MYH15: variants seen among roughly 807,000 people sequenced by gnomAD.
MYH15 encodes myosin heavy chain 15.
Under a neutral mutation model 240.5 loss-of-function variants are expected in MYH15, and 227 were observed. The ratio of observed to expected loss-of-function variants is 0.94; its 90% CI spans 0.85 to 1.05. The LOEUF is 1.05. MYH15 is among the 50% of genes least tolerant of loss of function. MYH15 has a pLI of 0.00. For missense variants in MYH15, 2,217 were observed against 2,247.5 expected, an observed-to-expected ratio of 0.99 and a Z score of 0.27; for synonymous variants, 785 against 796.7, an observed-to-expected ratio of 0.99 and a Z score of 0.25.
At position 108,383,741 on chromosome 3, in the gene MYH15, A is replaced by AT. The variant is rs1560300920; in HGVS notation, c.5632-13_5632-12insA. ...TTGGCTTGTGTTTCCTATAAAAATA[A>AT]AAAAAAAAAAAAAGAAATCTCCATG... is the stretch of plus-strand genomic sequence containing the variant. On this transcript the variant is annotated splice_polypyrimidine_tract_variant and intron_variant, in intron 39 of 40. Transcript: ENST00000693548. 29 of 1,373,650 alleles carry AT rather than the reference A, an allele frequency of 2.1e-5. No homozygotes were observed. Among genetic ancestry groups the AT allele is most frequent in the Non-Finnish European group, 2.7e-5 (27 of 1,018,008 alleles). The allele number at this position is 1,373,650 out of a possible 1,614,324, so 85.1% of individuals were successfully genotyped here. A position where few individuals can be genotyped will look rare whatever the true frequency, so the allele number is the denominator to read the frequency against.
intron 11 of MYH15, among the ~76,000 whole-genome samples, chr3:108,480,381 G>A (rs928755813): frequency 4.6e-5 from 7 of 152,198 alleles, no homozygotes; most frequent in Admixed American, 4.6e-4. Context: ...CGATACCAGG[G>A]AGTGAGTGAG....
Position 108,398,786 on chromosome 3 carries a change from G to C in MYH15, c.4984C>G (p.Gln1662Glu), listed in dbSNP as rs376922583. 35 of 1,614,104 alleles carry C rather than the reference G, an allele frequency of 2.2e-5. No homozygotes were observed. Among genetic ancestry groups the C allele is most frequent in the Non-Finnish European group, 2.8e-5 (33 of 1,180,050 alleles). ...TTGCGCCGCTCAGCCACAGCCACCT[G>C]CTCCTTCAGATCACTGTTCAGTTGT... ...STQLNSDLKEQVAVAERRNSL... is the reference protein window; with the variant it reads ...STQLNSDLKEEVAVAERRNSL... Residue 1662 changes from glutamine (Q) to glutamate (E), a missense_variant, in exon 35 of 41, where the codon CAG becomes GAG. Gln to Glu is a conservative substitution (Grantham distance 29, BLOSUM62 2). Coordinates refer to ENST00000693548, the MANE Select transcript of MYH15 (RefSeq NM_014981.3).
At chr3:108,487,882 ATG>A (rs2083317982) in intron 9 of MYH15, among the ~76,000 whole-genome samples, 1 of 152,338 alleles carries the variant, frequency 6.6e-6, no homozygotes, top group East Asian at 1.9e-4. Context: ...GAAGGTGAAT[ATG>A]TGTATTTTAA....
In MYH15 at chr3:108,381,554, T is replaced by C. The variant is rs1162410222; in HGVS notation, c.5772A>G (p.Gln1924=). ...IKAREFGKKV[Q]EE is the part of the protein sequence containing the mutation. ...TTCAAAGCAGGGGATGCTATTCTTC[T>C]TGAACCTGAAAAACAGAATGTCAGT... Residue 1924 remains glutamine, a synonymous_variant, in exon 41 of 41, where the codon CAA becomes CAG. Transcript: ENST00000693548. 1.2e-6 allele frequency: 2 copies of C among 1,613,904 alleles called. No homozygotes were observed. Among genetic ancestry groups the C allele is most frequent in the Admixed American group, 1.7e-5 (1 of 60,018 alleles).
chr3:108,495,397 C>T lies in MYH15; in HGVS notation c.711+383G>A, dbSNP rs112181743. Among the ~76,000 whole-genome samples the T allele has an allele frequency of 2.8e-3, 421 of 152,154 alleles. 2 individuals are homozygous for T. The highest frequency in any genetic ancestry group is 9.5e-3 in the African/African-American group (395 of 41,528). On this transcript the variant is annotated intron_variant, in intron 7 of 40. Transcript: ENST00000693548. ...TAGTAAGTGAATTAGGAAGTGCCTA[C>T]TAAACTGACTTGTTATAAGGGGTTT...
intron 14 of MYH15, 128 bp from the exon 15 acceptor site, chr3:108,464,942 T>A: frequency 1.3e-6 from 1 of 758,940 alleles, no homozygotes; most frequent in Non-Finnish European, 2.0e-6. Context: ...TGCATAAAAC[T>A]AGCAATCATC....
chr3:108,384,835 C>T (rs1049372969), intron 38 of MYH15, 53 bp from the exon 39 acceptor site: 11 of 1,494,446 alleles, frequency 7.4e-6, no homozygotes, highest in Non-Finnish European at 9.3e-6. Flanking sequence ...CAGCAGTCTA[C>T]GTTGGTGTAG....
chr3:108,482,666 G>T (rs2083276023), intron 11 of MYH15, among the ~76,000 whole-genome samples: 1 of 152,140 alleles, frequency 6.6e-6, no homozygotes, highest in Non-Finnish European at 1.5e-5. Flanking sequence ...TCTGTGCTGT[G>T]TCCTCTTCTC....
At position 108,381,506 on chromosome 3, in the gene MYH15, T is replaced by C. The variant is rs1422528044; in HGVS notation, c.*39A>G. On this transcript the variant is annotated 3_prime_UTR_variant, in exon 41 of 41. Coordinates refer to ENST00000693548, the MANE Select transcript of MYH15 (RefSeq NM_014981.3). ...TTTGGCCATGAAACAGCACCTTCCT[T>C]GTACTTCTCCAGCTGTTGTCCTTTC... is the stretch of plus-strand genomic sequence containing the variant. The C allele has an allele frequency of 3.7e-6, 6 of 1,611,220 alleles. No homozygotes were observed. The Admixed American group carries it at 1.0e-4, about 27-fold the overall frequency.
chr3:108,434,330 G>A (rs1257968889), intron 25 of MYH15, among the ~76,000 whole-genome samples: 2 of 151,214 alleles, frequency 1.3e-5, no homozygotes, highest in Non-Finnish European at 2.9e-5. Flanking sequence ...TTACAGGCAT[G>A]TGCCACCAAG....
At chr3:108,462,700 C>T (rs766374965) in intron 16 of MYH15, among the ~76,000 whole-genome samples, 6 of 152,020 alleles carry the variant, frequency 3.9e-5, no homozygotes, top group Admixed American at 6.6e-5. Flanking sequence ...TCCCTGCCCT[C>T]GTGAAGCTTC....
intron 25 of MYH15, among the ~76,000 whole-genome samples, chr3:108,432,450 G>GA (rs1473927940): frequency 1.3e-5 from 2 of 152,088 alleles, no homozygotes; most frequent in East Asian, 1.9e-4. Flanking sequence ...CATTTTCTGA[G>GA]AAAAAATTCA....
intron 11 of MYH15, among the ~76,000 whole-genome samples, chr3:108,480,691 G>A (rs1363704564): frequency 1.3e-5 from 2 of 152,116 alleles, no homozygotes; most frequent in Non-Finnish European, 2.9e-5. Context: ...AGTCTGAGAA[G>A]TAGAAAGAAG....
intron 4 of MYH15, 141 bp downstream of exon 4, chr3:108,499,977 T>C (rs1166184891): frequency 7.1e-6 from 7 of 988,370 alleles, no homozygotes; most frequent in Non-Finnish European, 1.0e-5. Context: ...CCACATTTTA[T>C]CCAGAAGGAA....
intron 27 of MYH15, among the ~76,000 whole-genome samples, chr3:108,426,720 C>A (rs1420502352): frequency 1.3e-5 from 2 of 152,032 alleles, no homozygotes; most frequent in African/African-American, 4.8e-5. Flanking sequence ...GGCAGAGCTG[C>A]CCCCAACACC....
intron 15 of MYH15, 67 bp from the exon 16 acceptor site, chr3:108,463,310 G>C (rs1203487848): frequency 6.7e-7 from 1 of 1,499,166 alleles, no homozygotes; most frequent in South Asian, 1.3e-5. Flanking sequence ...ATGGAAGGCT[G>C]TGCATTACCC....
At chr3:108,493,249 G>C in intron 7 of MYH15, 72 bp from the exon 8 acceptor site, 2 of 1,136,822 alleles carry the variant, frequency 1.8e-6, no homozygotes, top group Non-Finnish European at 2.7e-6. Context: ...CACTTGCAAT[G>C]GCTTCATTAT....
intron 11 of MYH15, among the ~76,000 whole-genome samples, chr3:108,481,022 A>G (rs1313447966): frequency 6.6e-6 from 1 of 152,226 alleles, no homozygotes; most frequent in Non-Finnish European, 1.5e-5. Context: ...TTTTAAAATG[A>G]GCTAAAGGTA....
chr3:108,477,926 T>C (rs2083234709), intron 11 of MYH15, among the ~76,000 whole-genome samples: 1 of 152,168 alleles, frequency 6.6e-6, no homozygotes, highest in Non-Finnish European at 1.5e-5. Flanking sequence ...TTATTTCAAA[T>C]TGTAGATTAT....
Sources: gnomAD v4.1 joint callset for allele counts (sites outside exome capture counted in the v4.1 genomes callset) on GRCh38, gnomAD v4.1.1 for gene constraint, MANE v1.5 for transcripts, NCBI Gene and HGNC (gene_info 2026-07-23, HGNC 2026-07-21) for gene names.